The following GRM7 variants were observed in gnomAD, a reference collection of about 807,000 sequenced individuals.
GRM7 encodes the protein glutamate metabotropic receptor 7.
Under a neutral mutation model 84.5 loss-of-function variants are expected in GRM7, and 35 were observed. The ratio of observed to expected loss-of-function variants is 0.41; its 90% CI spans 0.32 to 0.55. The LOEUF (loss-of-function observed/expected upper bound fraction) is 0.55, where lower values mean the gene tolerates loss of function less well. Among genes scored for constraint, GRM7 ranks in the 20% least tolerant of loss-of-function variants. The pLI is 0.19. For synonymous variants in GRM7, 487 were observed against 455.1 expected, an observed-to-expected ratio of 1.07 and a Z score of -0.89; for missense variants, 1,003 against 1,194.6, an observed-to-expected ratio of 0.84 and a Z score of 2.36.
intron 1 of GRM7, among the ~76,000 whole-genome samples, chr3:7,083,185 G>A (rs9812630): frequency 0.49 from 74,163 of 151,834 alleles, 19,156 homozygotes; most frequent in African/African-American, 0.67. Flanking sequence ...CCTTAGTTTA[G>A]GAAACCAGCA....
chr3:6,868,345 A>T (rs1420930453), intron 1 of GRM7, among the ~76,000 whole-genome samples: 1 of 152,236 alleles, frequency 6.6e-6, no homozygotes, highest in East Asian at 1.9e-4. Flanking sequence ...ATAGTGGTTT[A>T]AAGACATCAC....
intron 4 of GRM7, among the ~76,000 whole-genome samples, chr3:7,310,059 A>G (rs538132691): frequency 2.0e-5 from 3 of 152,320 alleles, no homozygotes; most frequent in African/African-American, 4.8e-5. Context: ...CTAATGGCCT[A>G]CGTTGCCTTC....
rs76174100 is a variant in GRM7, at chr3:7,206,075, T to C, written c.736+59407T>C. On this transcript the variant is annotated intron_variant, in intron 2 of 9. Transcript: ENST00000357716. ...AGGAGCCTCTGTCATGCCATTACTG[T>C]TGTGTTGTGGTAAGCGGGGATGAAA... Among the ~76,000 whole-genome samples the C allele has an allele frequency of 2.5e-3, 383 of 152,226 alleles. 2 individuals are homozygous for C. Among genetic ancestry groups the C allele is most frequent in the African/African-American group, 9.0e-3 (372 of 41,546 alleles).
chr3:7,031,802 C>T (rs1427203500), intron 1 of GRM7, among the ~76,000 whole-genome samples: 1 of 151,878 alleles, frequency 6.6e-6, no homozygotes, highest in Non-Finnish European at 1.5e-5. Flanking sequence ...TGATTTTGTT[C>T]ACTTTTATCC....
intron 2 of GRM7, among the ~76,000 whole-genome samples, chr3:7,253,847 T>C (rs1698100237): frequency 6.6e-6 from 1 of 152,122 alleles, no homozygotes; most frequent in Non-Finnish European, 1.5e-5. Flanking sequence ...CATATATGCA[T>C]GGATTTTGCG....
chr3:7,039,283 C>G (rs1483093290), intron 1 of GRM7, among the ~76,000 whole-genome samples: 14 of 152,142 alleles, frequency 9.2e-5, no homozygotes, highest in Admixed American at 9.2e-4. Context: ...ATTCCTGTCA[C>G]TATCCTAACC....
At chr3:7,172,556 C>A (rs1017719481) in intron 2 of GRM7, among the ~76,000 whole-genome samples, 1 of 140,932 alleles carries the variant, frequency 7.1e-6, no homozygotes, top group Admixed American at 7.1e-5. Context: ...CCCCGCCCCC[C>A]CCACATATAT....
intron 8 of GRM7, among the ~76,000 whole-genome samples, chr3:7,581,756 G>A (rs1695264047): frequency 1.3e-5 from 2 of 152,238 alleles, no homozygotes; most frequent in South Asian, 2.1e-4. Context: ...ACAATTTACT[G>A]TTTCAAGAAA....
At chr3:7,203,752 A>G (rs1015322835) in intron 2 of GRM7, among the ~76,000 whole-genome samples, 2 of 152,232 alleles carry the variant, frequency 1.3e-5, no homozygotes, top group African/African-American at 2.4e-5. Context: ...TAATAAGATT[A>G]TGAAACTTCT....
intron 7 of GRM7, among the ~76,000 whole-genome samples, chr3:7,527,952 T>TCTAGG (rs57781937): frequency 0.095 from 14,417 of 152,070 alleles, 1,120 homozygotes; most frequent in African/African-American, 0.22. Flanking sequence ...AATTGCTGCA[T>TCTAGG]CTATGTTAAT....
At chr3:7,560,670 C>T (rs941563127) in intron 7 of GRM7, among the ~76,000 whole-genome samples, 2 of 152,082 alleles carry the variant, frequency 1.3e-5, no homozygotes, top group African/African-American at 4.8e-5. Flanking sequence ...ATACCTGGAG[C>T]TTTTCCTGCT....
At chr3:7,246,809 C>T (rs1697777958) in intron 2 of GRM7, among the ~76,000 whole-genome samples, 1 of 152,040 alleles carries the variant, frequency 6.6e-6, no homozygotes, top group South Asian at 2.1e-4. Flanking sequence ...AAGGCTGATT[C>T]TGAAATGTAT....
chr3:7,586,077 AC>A (rs1205532036), intron 8 of GRM7, among the ~76,000 whole-genome samples: 1 of 152,162 alleles, frequency 6.6e-6, no homozygotes, highest in Non-Finnish European at 1.5e-5. Context: ...TTTGGTCTTC[AC>A]TTCTTTCATC....
chr3:7,329,040 C>T (rs1701094731), intron 4 of GRM7, among the ~76,000 whole-genome samples: 1 of 151,962 alleles, frequency 6.6e-6, no homozygotes, highest in Admixed American at 6.6e-5. Context: ...CAGCCCCCAC[C>T]CCCACCACCC....
chr3:7,312,054 C>T (rs1356231438), intron 4 of GRM7, among the ~76,000 whole-genome samples: 2 of 152,102 alleles, frequency 1.3e-5, no homozygotes, highest in Non-Finnish European at 2.9e-5. Flanking sequence ...TTTCAAGGAG[C>T]TTGTTTATGA....
intron 8 of GRM7, among the ~76,000 whole-genome samples, chr3:7,587,991 G>A (rs562160769): frequency 6.6e-6 from 1 of 152,112 alleles, no homozygotes. Flanking sequence ...TGTTTGGTGG[G>A]GTGGAAACTT....
chr3:7,062,328 CGTA>C (rs559080339), intron 1 of GRM7, among the ~76,000 whole-genome samples: 8 of 151,454 alleles, frequency 5.3e-5, no homozygotes, highest in Non-Finnish European at 1.2e-4. Context: ...GGTGTACAAT[CGTA>C]GTGTGTGGAA....
intron 4 of GRM7, among the ~76,000 whole-genome samples, chr3:7,329,804 G>A (rs1701129145): frequency 6.6e-6 from 1 of 152,026 alleles, no homozygotes; most frequent in Admixed American, 6.6e-5. Context: ...ATGCATGGAT[G>A]TATGTATACT....
intron 1 of GRM7, among the ~76,000 whole-genome samples, chr3:7,122,332 G>A (rs1425092037): frequency 6.6e-6 from 1 of 152,054 alleles, no homozygotes; most frequent in African/African-American, 2.4e-5. Flanking sequence ...AAAGCCCTAA[G>A]AATGAATGTA....
Sources: allele counts gnomAD v4.1 joint callset (sites outside exome capture counted in the v4.1 genomes callset), GRCh38; gene constraint gnomAD v4.1.1; transcripts MANE v1.5; gene names NCBI Gene and HGNC (gene_info 2026-07-23, HGNC 2026-07-21).